Variants in AP3B2 observed in about 807,000 individuals in gnomAD.
AP3B2 encodes the protein AP-3 complex subunit beta-2.
A neutral mutation model predicts 126.9 loss-of-function variants in AP3B2; 50 were observed. The ratio of observed to expected loss-of-function variants is 0.39; its 90% CI spans 0.31 to 0.50. The LOEUF is 0.50. Ranked by LOEUF, AP3B2 falls within the 20% of genes least tolerant of loss-of-function variation. AP3B2 has a pLI of 0.79. For missense variants in AP3B2, 1,177 were observed against 1,426.4 expected, an observed-to-expected ratio of 0.83 and a Z score of 2.82; for synonymous variants, 541 against 565.0, an observed-to-expected ratio of 0.96 and a Z score of 0.60.
chr15:82,692,060 A>C, intron 1 of AP3B2: 2 of 1,489,514 alleles, frequency 1.3e-6, no homozygotes, highest in Non-Finnish European at 1.9e-6. Flanking sequence ...CGGAAATCAG[A>C]TCTTCTTGCA....
At chr15:82,686,264 G>A (rs1049401839) in intron 4 of AP3B2, 3 of 152,344 alleles carry the variant, frequency 2.0e-5, no homozygotes, top group Admixed American at 2.0e-4. Context: ...GCCAGTCAGA[G>A]GTTTGATTCC....
Position 82,680,903 on chromosome 15 carries a change from G to A in AP3B2, c.705C>T (p.Gly235=). The change falls in exon 7 of 27, where the codon GGC becomes GGT. Residue 235 remains glycine (G), a synonymous_variant. Transcript: ENST00000535359. The surrounding 1 kb of genome is among the most constrained non-coding windows in gnomAD (Gnocchi z 6.1). ...TGAGCATGCTGATGATGACCACCTG[G>A]CCCCACTCCTCCACGTCGATCAGCA... ...CNLLIDVEEW[G]QVVIISMLTR... The A allele has an allele frequency of 2.5e-6, 4 of 1,613,912 alleles. No homozygotes were observed. The highest frequency in any genetic ancestry group is 3.4e-6 in the Non-Finnish European group (4 of 1,179,866).
chr15:82,696,485 C>T (rs1392738811), intron 1 of AP3B2, among the ~76,000 whole-genome samples: 5 of 151,996 alleles, frequency 3.3e-5, no homozygotes, highest in Non-Finnish European at 7.4e-5. Context: ...GGCTGAGGAA[C>T]GAGAATCGCT....
At chr15:82,688,887 C>T (rs889797050) in intron 3 of AP3B2, 56 bp from the exon 4 acceptor site, 1 of 1,482,712 alleles carries the variant, frequency 6.7e-7, no homozygotes, top group South Asian at 1.3e-5. Flanking sequence ...CTGTGCCCAC[C>T]CCCCTACCCC....
Position 82,680,652 on chromosome 15 carries a change from G to A in AP3B2, c.875C>T (p.Ser292Phe). The A allele has an allele frequency of 2.5e-6, 4 of 1,585,974 alleles. No homozygotes were observed. Among genetic ancestry groups the A allele is most frequent in the Non-Finnish European group, 3.4e-6 (4 of 1,170,768 alleles). The change falls in exon 8 of 27, where the codon TCC becomes TTC. Residue 292 changes from serine to phenylalanine, a missense_variant. Ser to Phe is a radical substitution (Grantham distance 155, BLOSUM62 -2). Around this residue, in one of 5 missense-constraint regions of AP3B2, gnomAD observed 103 missense variants for 101.4 expected, o/e 1.02. Coordinates refer to ENST00000535359, the MANE Select transcript of AP3B2 (RefSeq NM_001278512.2). This position sits in a 1 kb window ranked among gnomAD's most constrained non-coding sequence, Gnocchi z 6.1. ...SEETAAAAAP[S>F]RKPYVMDPDH... ...GGGGTCCATGACATAGGGCTTTCGG[G>A]AGGGGGCGGCCGCGGCGGCCGTCTC... is the stretch of plus-strand genomic sequence containing the variant.
chr15:82,677,247 G>C, intron 13 of AP3B2, 27 bp downstream of exon 13: 2 of 1,533,054 alleles, frequency 1.3e-6, no homozygotes, highest in Non-Finnish European at 1.8e-6. Flanking sequence ...CTTGAAGTGG[G>C]GAGTGAAAAT....
At chr15:82,660,026 A>G (rs1427316771) in intron 25 of AP3B2, 43 bp from the exon 26 acceptor site, 2 of 1,597,564 alleles carry the variant, frequency 1.3e-6, no homozygotes, top group South Asian at 1.1e-5. Flanking sequence ...CATGGTGGGT[A>G]CAGAGGCCAG....
chr15:82,709,421 C>G (rs1267615585), intron 1 of AP3B2, among the ~76,000 whole-genome samples, 173 bp downstream of exon 1: 1 of 151,036 alleles, frequency 6.6e-6, no homozygotes. Context: ...GGGGTGCCAG[C>G]GCTGCCCGCG....
chr15:82,679,584 C>G (rs1425995517), intron 10 of AP3B2, 145 bp downstream of exon 10: 6 of 741,526 alleles, frequency 8.1e-6, no homozygotes, highest in Non-Finnish European at 1.4e-5. Flanking sequence ...GCTCCCTGAA[C>G]AAACAGCTCC....
Position 82,663,218 on chromosome 15 carries a change from A to G in AP3B2, c.2513T>C (p.Val838Ala), listed in dbSNP as rs1596166605. 6.2e-7 allele frequency: 1 copy of G among 1,612,836 alleles called. No homozygotes were observed. Among genetic ancestry groups the G allele is most frequent in the Non-Finnish European group, 8.5e-7 (1 of 1,179,598 alleles). Reference protein sequence around the residue: ...LDLEDFTPPSVQPVSPPAIVS... With the variant: ...LDLEDFTPPSAQPVSPPAIVS... Reference sequence around the variant, plus strand: ...AATTGCTGGGGGAGACACAGGCTGGACACTGGGAGGGGTGACTGTGGGAGT... The same window carrying G: ...AATTGCTGGGGGAGACACAGGCTGGGCACTGGGAGGGGTGACTGTGGGAGT... Residue 838 changes from valine (V) to alanine (A), a missense_variant, in exon 22 of 27, where the codon GTC becomes GCC. By Grantham distance (64) the Val-to-Ala change is moderately conservative (BLOSUM62 0). This residue lies in a region of AP3B2 where 587 missense variants were observed against 571.3 expected (regional missense o/e 1.03). Transcript: ENST00000535359.
rs762289796 is a variant in AP3B2, at chr15:82,689,244, G to A, written c.190-12C>T. 3 of 1,613,998 alleles carry A rather than the reference G, an allele frequency of 1.9e-6. No individual in the cohort carries two copies. Among genetic ancestry groups the A allele is most frequent in the Non-Finnish European group, 1.7e-6 (2 of 1,179,874 alleles). On this transcript the variant is annotated splice_polypyrimidine_tract_variant and intron_variant, in intron 2 of 26. Transcript: ENST00000535359. ...CCTCGGGCAATCATCTGGGTGGTGGGGTCAAGGTAGGGGAAGAGGGACAAA... is the reference window on the plus strand; with the variant it reads ...CCTCGGGCAATCATCTGGGTGGTGGAGTCAAGGTAGGGGAAGAGGGACAAA...
At chr15:82,678,666 A>T (rs2048282534) in intron 10 of AP3B2, among the ~76,000 whole-genome samples, 1 of 152,102 alleles carries the variant, frequency 6.6e-6, no homozygotes, top group Non-Finnish European at 1.5e-5. Flanking sequence ...CTCAAGTCTC[A>T]TATCCTCCGG....
In AP3B2 at chr15:82,680,319, G is replaced by A; in HGVS notation, c.1056-90C>T. On this transcript the variant is annotated intron_variant, in intron 8 of 26. Transcript: ENST00000535359. The surrounding 1 kb of genome is among the most constrained non-coding windows in gnomAD (Gnocchi z 6.1). Reference sequence around the variant, plus strand: ...GGAAAAGGTGGGGCAAGTCGTTGCGGGGAGAGGACCAGTGCGGAGGGCAGG... The same window carrying A: ...GGAAAAGGTGGGGCAAGTCGTTGCGAGGAGAGGACCAGTGCGGAGGGCAGG... The A allele has an allele frequency of 6.3e-7, 1 of 1,583,716 alleles. No homozygotes were observed. The highest frequency in any genetic ancestry group is 8.6e-7 in the Non-Finnish European group (1 of 1,162,688).
At chr15:82,683,047 G>GTTTTTTTTTTTTTTTTTTTTTTTTTTTTT (rs61213011) in intron 4 of AP3B2, among the ~76,000 whole-genome samples, 1 of 77,716 alleles carries the variant, frequency 1.3e-5, no homozygotes, top group Non-Finnish European at 2.5e-5. Flanking sequence ...TGCACCAGGA[G>GTTTTTTTTTTTTTTTTTTTTTTTTTTTTT]TTTTTTTTTT....
In AP3B2 at chr15:82,676,371, G is replaced by A; in HGVS notation, c.1665+90C>T. On this transcript the variant is annotated intron_variant, in intron 14 of 26. Coordinates refer to ENST00000535359, the MANE Select transcript of AP3B2 (RefSeq NM_001278512.2). The stretch of plus-strand genomic sequence containing the variant: ...CTTCTTTTCCAAAATAGGAGCTAGA[G>A]TTCAGCCCTGCCTAGGGAGGGCCAA... The A allele has an allele frequency of 4.4e-6, 6 of 1,369,826 alleles. No individual in the cohort carries two copies. The South Asian group carries it at 8.5e-5, about 19-fold the overall frequency. The allele number at this position is 1,369,826 out of a possible 1,614,324, so 84.9% of individuals were successfully genotyped here.
rs2047898174 is a variant in AP3B2, at chr15:82,659,504, C to T, written c.*56G>A. The T allele has an allele frequency of 6.3e-7, 1 of 1,593,920 alleles. No homozygotes were observed. The highest frequency in any genetic ancestry group is 1.7e-5 in the Admixed American group (1 of 59,676). On this transcript the variant is annotated 3_prime_UTR_variant, in exon 27 of 27. Transcript: ENST00000535359. ...AGAGAAAGATGAGAGAGACTGACAG[C>T]CTAGGTGTCATGGGGAGGTATAGAT...
In AP3B2 at chr15:82,674,685, C is replaced by T. The variant is rs78983264; in HGVS notation, c.1665+1776G>A. Among the ~76,000 whole-genome samples the T allele has an allele frequency of 3.8e-3, 574 of 152,286 alleles. 1 individual carries two copies. Among genetic ancestry groups the T allele is most frequent in the Non-Finnish European group, 5.9e-3 (399 of 68,024 alleles). On this transcript the variant is annotated intron_variant, in intron 14 of 26. Transcript: ENST00000535359. The stretch of plus-strand genomic sequence containing the variant: ...GCACAGTACCAGGCAAATAGTAGGC[C>T]TACATGTTAAATAAATGAACAAATG...
chr15:82,665,653 G>T lies in AP3B2; in HGVS notation c.1853-78C>A. On this transcript the variant is annotated intron_variant, in intron 15 of 26. Transcript: ENST00000535359. The surrounding 1 kb of genome is among the most constrained non-coding windows in gnomAD (Gnocchi z 4.4). ...GGAGCTGTTTTCCAGGTGGGGCTGG[G>T]TGGTGATTCTGGTTGGGACTTCCCA... 8.1e-7 allele frequency: 1 copy of T among 1,232,722 alleles called. No individual in the cohort carries two copies. The highest frequency in any genetic ancestry group is 1.2e-6 in the Non-Finnish European group (1 of 848,414). 76.4% of individuals were successfully genotyped at this position (1,232,722 alleles called of 1,614,324 possible). A position where few individuals can be genotyped will look rare whatever the true frequency, so the allele number is the denominator to read the frequency against.
At chr15:82,668,214 A>G (rs79229109) in intron 14 of AP3B2, among the ~76,000 whole-genome samples, 67 of 152,326 alleles carry the variant, frequency 4.4e-4, no homozygotes, top group East Asian at 2.1e-3. Context: ...CCTACCTCCA[A>G]TCTGGCCCAC....
Sources: allele counts gnomAD v4.1 joint callset (sites outside exome capture counted in the v4.1 genomes callset), GRCh38; gene constraint gnomAD v4.1.1; regional missense constraint gnomAD v4.1.1; non-coding constraint Gnocchi (gnomAD v3.1); transcripts MANE v1.5; gene names NCBI Gene and HGNC (gene_info 2026-07-23, HGNC 2026-07-21).